OCA2: variants seen among roughly 807,000 people sequenced by gnomAD.
OCA2 encodes P protein.
OCA2 carries 77 observed loss-of-function variants against 100.2 expected under a neutral mutation model. That is an observed-to-expected ratio of 0.77 (90% CI 0.64 to 0.93). The LOEUF (loss-of-function observed/expected upper bound fraction) is 0.93, where lower values mean the gene tolerates loss of function less well. OCA2 is among the 40% of genes least tolerant of loss of function. OCA2 has a pLI of 0.00. For missense variants in OCA2, 1,062 were observed against 1,089.1 expected (o/e 0.98, Z 0.35); for synonymous variants, 432 against 439.2 (o/e 0.98, Z 0.21).
intron 1 of OCA2, among the ~76,000 whole-genome samples, chr15:28,083,477 T>G (rs562887658): frequency 6.6e-6 from 1 of 152,156 alleles, no homozygotes; most frequent in South Asian, 2.1e-4. Flanking sequence ...ATCATAAAAG[T>G]GAGATAAAAC....
At chr15:28,040,423 G>A (rs2141456466) in intron 2 of OCA2, among the ~76,000 whole-genome samples, 1 of 152,204 alleles carries the variant, frequency 6.6e-6, no homozygotes, top group Admixed American at 6.5e-5. Flanking sequence ...TCACAAATTA[G>A]CAACCTAATT....
At chr15:27,954,134 CA>C (rs1567150354) in intron 17 of OCA2, among the ~76,000 whole-genome samples, 7 of 146,736 alleles carry the variant, frequency 4.8e-5, no homozygotes, top group African/African-American at 1.5e-4. Flanking sequence ...CACACACACA[CA>C]CACACACACA....
intron 18 of OCA2, among the ~76,000 whole-genome samples, chr15:27,931,551 G>A (rs968360244): frequency 6.6e-6 from 1 of 151,966 alleles, no homozygotes; most frequent in South Asian, 2.1e-4. Context: ...GGCCAGGCTG[G>A]TCTCAAACTC....
chr15:28,030,585 G>A (rs1192543638), intron 3 of OCA2, among the ~76,000 whole-genome samples: 1 of 152,190 alleles, frequency 6.6e-6, no homozygotes, highest in Non-Finnish European at 1.5e-5. Context: ...TTTGGAGGCT[G>A]AGGACAGGAA....
chr15:27,866,741 G>C (rs2036340459), intron 21 of OCA2, among the ~76,000 whole-genome samples: 2 of 152,202 alleles, frequency 1.3e-5, no homozygotes, highest in African/African-American at 4.8e-5. Flanking sequence ...CGAGGAGAAA[G>C]CGCTGAGGTA....
rs1360443204 is a variant in OCA2, at chr15:28,014,912, C to G, written c.908G>C (p.Ser303Thr). 1 of 1,614,190 alleles carries G rather than the reference C, an allele frequency of 6.2e-7. No individual in the cohort carries two copies. Among genetic ancestry groups the G allele is most frequent in the Admixed American group, 1.7e-5 (1 of 60,022 alleles). The change falls in exon 9 of 24, where the codon AGC becomes ACC. Residue 303 changes from serine (S) to threonine (T), a missense_variant. Coordinates refer to ENST00000354638, the MANE Select transcript of OCA2 (RefSeq NM_000275.3). The stretch of plus-strand genomic sequence containing the variant: ...GGTCTGCTGCAGGGAGGCCCGGATG[C>G]TGATGGACACCGTCTCTCTGCAGAA... ...EVLTRETVSISIRASLQQTQA... is the reference protein window; with the variant it reads ...EVLTRETVSITIRASLQQTQA...
intron 18 of OCA2, among the ~76,000 whole-genome samples, chr15:27,931,135 G>A (rs1333612389): frequency 6.6e-6 from 1 of 152,008 alleles, no homozygotes; most frequent in Non-Finnish European, 1.5e-5. Context: ...AGGCCGGCTT[G>A]CAACTAGGAG....
the OCA2 span, among the ~76,000 whole-genome samples, chr15:27,730,597 C>A: frequency 6.6e-6 from 1 of 151,994 alleles, no homozygotes; most frequent in Non-Finnish European, 1.5e-5. Flanking sequence ...GTGTTGCTGG[C>A]AGCCAGCCTC....
chr15:27,818,497 G>A (rs1046161367), intron 23 of OCA2, among the ~76,000 whole-genome samples: 2 of 152,188 alleles, frequency 1.3e-5, no homozygotes, highest in African/African-American at 4.8e-5. Context: ...AAAATGTGAT[G>A]AATGCCACAA....
chr15:28,095,409 T>C (rs2044956646), intron 1 of OCA2, among the ~76,000 whole-genome samples: 1 of 152,182 alleles, frequency 6.6e-6, no homozygotes, highest in African/African-American at 2.4e-5. Context: ...GGAAAACAGC[T>C]TCTTCGTAAA....
the OCA2 span, among the ~76,000 whole-genome samples, chr15:27,731,054 A>G: frequency 6.6e-6 from 1 of 152,042 alleles, no homozygotes; most frequent in Non-Finnish European, 1.5e-5. Flanking sequence ...AAATGTAGCC[A>G]CATAGTAAGC....
intron 23 of OCA2, among the ~76,000 whole-genome samples, chr15:27,823,033 C>T (rs552768430): frequency 2.9e-4 from 44 of 152,282 alleles, no homozygotes; most frequent in African/African-American, 8.4e-4. Context: ...TCTGTGTGTA[C>T]GGAATGAGGT....
the OCA2 span, among the ~76,000 whole-genome samples, chr15:27,727,829 A>G: frequency 6.6e-6 from 1 of 152,106 alleles, no homozygotes; most frequent in Non-Finnish European, 1.5e-5. Context: ...GATGACACCA[A>G]TGAGACCCAC....
At chr15:28,036,426 C>T (rs2043047230) in intron 2 of OCA2, among the ~76,000 whole-genome samples, 2 of 152,142 alleles carry the variant, frequency 1.3e-5, no homozygotes, top group Admixed American at 6.5e-5. Flanking sequence ...CCCACTAGTC[C>T]TCGGTATCAG....
At chr15:28,016,725 G>A (rs1164831122) in intron 7 of OCA2, among the ~76,000 whole-genome samples, 1 of 152,162 alleles carries the variant, frequency 6.6e-6, no homozygotes, top group South Asian at 2.1e-4. Flanking sequence ...AAGTTACAGT[G>A]AGCTGAGATC....
At chr15:27,918,359 T>C (rs4271553) in intron 19 of OCA2, among the ~76,000 whole-genome samples, 67,513 of 151,972 alleles carry the variant, frequency 0.44, 15,659 homozygotes, top group African/African-American at 0.58. Flanking sequence ...CGAGAGCCAC[T>C]GTGTCCAGCA....
At chr15:27,974,634 G>T in intron 14 of OCA2, among the ~76,000 whole-genome samples, 1 of 152,262 alleles carries the variant, frequency 6.6e-6, no homozygotes, top group South Asian at 2.1e-4. Flanking sequence ...CAGGCGTGGT[G>T]GTATGCACCT....
At chr15:27,825,406 A>G (rs184360973) in intron 23 of OCA2, among the ~76,000 whole-genome samples, 12 of 152,298 alleles carry the variant, frequency 7.9e-5, no homozygotes, top group Admixed American at 5.9e-4. Flanking sequence ...GCTGGAACAC[A>G]GAAGGAACCT....
chr15:27,890,784 T>C (rs946239749), intron 19 of OCA2, among the ~76,000 whole-genome samples: 1 of 152,086 alleles, frequency 6.6e-6, no homozygotes, highest in Non-Finnish European at 1.5e-5. Context: ...TCCCAGCACT[T>C]TGGGAGGCCG....
Sources: gnomAD v4.1 joint callset for allele counts (sites outside exome capture counted in the v4.1 genomes callset) on GRCh38, gnomAD v4.1.1 for gene constraint, MANE v1.5 for transcripts, NCBI Gene and HGNC (gene_info 2026-07-23, HGNC 2026-07-21) for gene names.